The following FNIP2 variants were observed in gnomAD, a reference collection of about 807,000 sequenced individuals.
FNIP2 encodes the protein folliculin interacting protein 2, also known as folliculin-interacting protein 2.
FNIP2 carries 32 observed loss-of-function variants against 108.7 expected under a neutral mutation model. The ratio of observed to expected loss-of-function variants is 0.29; its 90% CI spans 0.22 to 0.40. FNIP2 has a LOEUF of 0.40. Among genes scored for constraint, FNIP2 ranks in the 10% least tolerant of loss-of-function variants. FNIP2 has a pLI of 1.00. For synonymous variants in FNIP2, 480 were observed against 496.7 expected (o/e 0.97, Z 0.45); for missense variants, 1,202 against 1,381.6 (o/e 0.87, Z 2.06).
intron 4 of FNIP2, 46 bp downstream of exon 4, chr4:158,832,007 T>G: frequency 6.3e-7 from 1 of 1,596,198 alleles, no homozygotes; most frequent in Non-Finnish European, 8.6e-7. Flanking sequence ...AGTGGAACGG[T>G]GGTATTGACT....
rs187074568 is a variant in FNIP2, at chr4:158,828,344, C to T, written c.235-735C>T. Among the ~76,000 whole-genome samples the T allele has an allele frequency of 4.1e-3, 617 of 152,256 alleles. 3 individuals carry two copies. The highest frequency in any genetic ancestry group is 6.5e-3 in the Non-Finnish European group (445 of 68,022). On this transcript the variant is annotated intron_variant, in intron 2 of 16. Transcript: ENST00000264433. ...ATTAAAAACACAAGTAGGCCGGGCGCGGTGGCTCACGCCTGTAATCCAGCA... is the reference window on the plus strand; with the variant it reads ...ATTAAAAACACAAGTAGGCCGGGCGTGGTGGCTCACGCCTGTAATCCAGCA...
intron 14 of FNIP2, among the ~76,000 whole-genome samples, chr4:158,887,366 C>T (rs1192903537): frequency 6.6e-6 from 1 of 152,090 alleles, no homozygotes; most frequent in African/African-American, 2.4e-5. Context: ...TAAGGTATGG[C>T]TAGTAAGAAA....
chr4:158,902,120 GGATT>G (rs1729350728), intron 16 of FNIP2, among the ~76,000 whole-genome samples: 1 of 152,002 alleles, frequency 6.6e-6, no homozygotes, highest in Non-Finnish European at 1.5e-5. Flanking sequence ...CCATCTTCAT[GGATT>G]TATCTACCTT....
At chr4:158,887,752 A>AAC (rs1256040231) in intron 14 of FNIP2, among the ~76,000 whole-genome samples, 2 of 151,554 alleles carry the variant, frequency 1.3e-5, no homozygotes, top group African/African-American at 4.8e-5. Flanking sequence ...AAAAAAAAAA[A>AAC]AAAAACCCAA....
At chr4:158,859,774 T>A (rs1401741417) in intron 10 of FNIP2, 108 bp downstream of exon 10, 1 of 941,848 alleles carries the variant, frequency 1.1e-6, no homozygotes, top group East Asian at 2.7e-5. Flanking sequence ...TATTCCTCAC[T>A]TTTGTGGTTC....
intron 1 of FNIP2, among the ~76,000 whole-genome samples, chr4:158,797,303 C>T (rs188664081): frequency 2.2e-4 from 34 of 152,276 alleles, no homozygotes; most frequent in Middle Eastern, 3.4e-3. Context: ...TTCTCATTGA[C>T]TTTGTTATTC....
At chr4:158,881,203 CTCTCCCTCTCTT>C (rs1222739848) in intron 14 of FNIP2, among the ~76,000 whole-genome samples, 1 of 150,280 alleles carries the variant, frequency 6.7e-6, no homozygotes, top group African/African-American at 2.5e-5. Context: ...CACGGTCTCC[CTCTCCCTCTCTT>C]TCCACGGTCT....
chr4:158,828,342 C>T (rs1173377393), intron 2 of FNIP2, among the ~76,000 whole-genome samples: 1 of 152,136 alleles, frequency 6.6e-6, no homozygotes, highest in African/African-American at 2.4e-5. Context: ...GTAGGCCGGG[C>T]GCGGTGGCTC....
intron 7 of FNIP2, among the ~76,000 whole-genome samples, chr4:158,851,003 A>C (rs1779668380): frequency 1.3e-5 from 2 of 152,148 alleles, no homozygotes; most frequent in Non-Finnish European, 2.9e-5. Context: ...GAGAGAAATT[A>C]TAGTCTCCCC....
In FNIP2 at chr4:158,861,575, A is replaced by C. The variant is rs745636926; in HGVS notation, c.1296-32A>C. 4.3e-6 allele frequency: 7 copies of C among 1,613,846 alleles called. No individual in the cohort carries two copies. In the South Asian group the frequency reaches 7.7e-5, roughly 18 times the overall value. ...GGATGTGCCTCTTTCTGTATTGACT[A>C]AGTTGGTTGTATCTTTTTCCATTTC... On this transcript the variant is annotated intron_variant, in intron 11 of 16. Coordinates refer to ENST00000264433, the MANE Select transcript of FNIP2 (RefSeq NM_020840.3).
intron 1 of FNIP2, among the ~76,000 whole-genome samples, chr4:158,797,697 T>G (rs1776632662): frequency 6.6e-6 from 1 of 152,044 alleles, no homozygotes; most frequent in Admixed American, 6.5e-5. Flanking sequence ...AGACCCTGTC[T>G]CAAAACAAAA....
intron 7 of FNIP2, among the ~76,000 whole-genome samples, chr4:158,841,363 A>G (rs1461453689): frequency 3.3e-5 from 5 of 152,164 alleles, no homozygotes; most frequent in African/African-American, 1.2e-4. Flanking sequence ...GAAAGGGAAG[A>G]GGGAGAGGAG....
At chr4:158,864,378 A>G (rs1449278728) in intron 12 of FNIP2, among the ~76,000 whole-genome samples, 1 of 151,420 alleles carries the variant, frequency 6.6e-6, no homozygotes, top group Non-Finnish European at 1.5e-5. Context: ...CACAAAAGAA[A>G]TTAGAAAACA....
Position 158,845,363 on chromosome 4 carries a change from G to A in FNIP2, c.728-5958G>A, listed in dbSNP as rs149759364. Among the ~76,000 whole-genome samples the A allele has an allele frequency of 8.3e-4, 126 of 152,302 alleles. 2 individuals are homozygous for A. The highest frequency in any genetic ancestry group is 3.0e-3 in the African/African-American group (123 of 41,574). On this transcript the variant is annotated intron_variant, in intron 7 of 16. Coordinates refer to ENST00000264433, the MANE Select transcript of FNIP2 (RefSeq NM_020840.3). ...TTCATTATCATGTAGATGCTAGGCCGTATTCCAAAGGTAGTGAATCAACTA... is the reference window on the plus strand; with the variant it reads ...TTCATTATCATGTAGATGCTAGGCCATATTCCAAAGGTAGTGAATCAACTA...
chr4:158,769,450 C>T (rs1775618979), intron 1 of FNIP2, 131 bp downstream of exon 1: 2 of 488,584 alleles, frequency 4.1e-6, no homozygotes, highest in East Asian at 4.6e-5. Flanking sequence ...CACCTGGTCC[C>T]GGGCTTGTCA....
chr4:158,778,802 C>T (rs1775940292), intron 1 of FNIP2, among the ~76,000 whole-genome samples: 1 of 152,140 alleles, frequency 6.6e-6, no homozygotes. Context: ...GTAATTTTAC[C>T]AGTCCTCTAC....
At position 158,861,418 on chromosome 4, in the gene FNIP2, GA is replaced by G. The variant is rs775387591; in HGVS notation, c.1232del (p.Asn411ThrfsTer14). 1 of 1,613,934 alleles carries G rather than the reference GA, an allele frequency of 6.2e-7. No homozygotes were observed. The highest frequency in any genetic ancestry group is 8.5e-7 in the Non-Finnish European group (1 of 1,179,876). ...GCTTACTATGATGTCCGGCACTTTG[GA>G]AAAAAACCAGCTCTGCCAGCGCTTT... is the stretch of plus-strand genomic sequence containing the variant. ...VWLTMMSGTL[E>X]KNQLCQRFLK... On this transcript the variant is annotated frameshift_variant, in exon 11 of 17. Transcript: ENST00000264433. LOFTEE classifies it high-confidence loss of function.
intron 1 of FNIP2, among the ~76,000 whole-genome samples, chr4:158,796,287 G>A (rs1264560161): frequency 6.6e-6 from 1 of 152,158 alleles, no homozygotes; most frequent in Non-Finnish European, 1.5e-5. Flanking sequence ...ATGTGACTGA[G>A]GATATATGGG....
rs1156652708 is a variant in FNIP2, at chr4:158,907,717, T to C, written c.*3173T>C. 1.3e-5 allele frequency: 2 copies of C among 152,234 alleles called. No homozygotes were observed. The highest frequency in any genetic ancestry group is 4.8e-5 in the African/African-American group (2 of 41,452). 9.4% of individuals were successfully genotyped at this position (152,234 alleles called of 1,614,324 possible). A position where few individuals can be genotyped will look rare whatever the true frequency, so the allele number is the denominator to read the frequency against. Reference sequence around the variant, plus strand: ...GTAAATGTGAACCATTTGTTTTTTATTGTGCTTGGGGGAGAGGGTATTTTA... The same window carrying C: ...GTAAATGTGAACCATTTGTTTTTTACTGTGCTTGGGGGAGAGGGTATTTTA... On this transcript the variant is annotated 3_prime_UTR_variant, in exon 17 of 17. Transcript: ENST00000264433.
Sources: gnomAD v4.1 joint callset for allele counts (sites outside exome capture counted in the v4.1 genomes callset) on GRCh38, gnomAD v4.1.1 for gene constraint, MANE v1.5 for transcripts, NCBI Gene and HGNC (gene_info 2026-07-23, HGNC 2026-07-21) for gene names.